The following RBFOX1 variants were observed in gnomAD, a reference collection of about 807,000 sequenced individuals.
RBFOX1 encodes RNA binding fox-1 homolog 1, also known as RNA binding protein fox-1 homolog 1.
In RBFOX1, 8 loss-of-function variants were observed where a neutral mutation model predicts 57.7. That is an observed-to-expected ratio of 0.14 (90% CI 0.08 to 0.25). The LOEUF is 0.25. Ranked by LOEUF, RBFOX1 falls within the 10% of genes least tolerant of loss-of-function variation. The probability of loss-of-function intolerance (pLI) is 1.00; values close to 1 mark genes in which losing one functional copy is unlikely to be tolerated. For synonymous variants in RBFOX1, 326 were observed against 222.4 expected, an observed-to-expected ratio of 1.47 and a Z score of -4.15; for missense variants, 611 against 548.5, an observed-to-expected ratio of 1.11 and a Z score of -1.14.
At chr16:6,594,566 G>C (rs1356092262) in intron 2 of RBFOX1, among the ~76,000 whole-genome samples, 2 of 152,084 alleles carry the variant, frequency 1.3e-5, no homozygotes, top group Non-Finnish European at 2.9e-5. Context: ...GGTTTTTAAT[G>C]TAAAAGCTCC....
At chr16:6,765,565 C>G (rs1222086612) in intron 3 of RBFOX1, among the ~76,000 whole-genome samples, 1 of 152,116 alleles carries the variant, frequency 6.6e-6, no homozygotes, top group South Asian at 2.1e-4. Context: ...TAAATGAGTA[C>G]AACCTCTATG....
chr16:6,230,440 A>T (rs1301260081), intron 1 of RBFOX1, among the ~76,000 whole-genome samples: 1 of 152,166 alleles, frequency 6.6e-6, no homozygotes, highest in Non-Finnish European at 1.5e-5. Context: ...CTCAGAATGG[A>T]AGGTCAGACC....
chr16:6,615,465 G>C (rs2098128678), intron 2 of RBFOX1, among the ~76,000 whole-genome samples: 1 of 151,994 alleles, frequency 6.6e-6, no homozygotes, highest in Admixed American at 6.6e-5. Context: ...AACTACTTGG[G>C]AGGCTGAGGC....
At chr16:7,254,477 T>C (rs996881172) in intron 4 of RBFOX1, among the ~76,000 whole-genome samples, 1 of 148,870 alleles carries the variant, frequency 6.7e-6, no homozygotes, top group Non-Finnish European at 1.5e-5. Context: ...CCAAATGTCA[T>C]GTTCCTGTCT....
chr16:6,767,948 AAGAAG>A (rs1182155918), intron 3 of RBFOX1, among the ~76,000 whole-genome samples: 27 of 48,774 alleles, frequency 5.5e-4, no homozygotes, highest in Admixed American at 3.1e-3. Context: ...TAATAATAAT[AAGAAG>A]AAGAAGAAGA....
Position 5,947,455 on chromosome 16 carries a change from A to C in RBFOX1, c.351+80120A>C, listed in dbSNP as rs72770939. 6.6e-6 allele frequency among the ~76,000 whole-genome samples: 1 copy of C among 152,102 alleles called. No individual in the cohort carries two copies. Among genetic ancestry groups the C allele is most frequent in the Non-Finnish European group, 1.5e-5 (1 of 68,014 alleles). On this transcript the variant is annotated intron_variant, in intron 4 of 19. Transcript: ENST00000641259. This position sits in a 1 kb window ranked among gnomAD's most constrained non-coding sequence, Gnocchi z 7.2. ...TGATCATGGCTCACTACAGCCTCGA[A>C]ATCTTGTGCTCAAGCCATTTTCCTG... is the stretch of plus-strand genomic sequence containing the variant.
chr16:6,051,915 T>G (rs937203627), intron 1 of RBFOX1, among the ~76,000 whole-genome samples: 1 of 152,088 alleles, frequency 6.6e-6, no homozygotes, highest in African/African-American at 2.4e-5. Flanking sequence ...CCTTTGATTT[T>G]TCTTTCCAGT....
intron 1 of RBFOX1, among the ~76,000 whole-genome samples, chr16:5,379,302 T>G (rs2066071267): frequency 6.6e-6 from 1 of 151,568 alleles, no homozygotes; most frequent in Admixed American, 6.5e-5. Flanking sequence ...TTTTATCGTT[T>G]TTTTTCTCAG....
intron 15 of RBFOX1, chr16:7,709,586 C>G (rs1169642335): frequency 2.0e-6 from 3 of 1,530,246 alleles, no homozygotes; most frequent in African/African-American, 2.7e-5. Flanking sequence ...CTGACTGCCT[C>G]TCCTCCCCTA....
At chr16:6,060,938 C>T (rs915741651) in intron 1 of RBFOX1, among the ~76,000 whole-genome samples, 1 of 152,220 alleles carries the variant, frequency 6.6e-6, no homozygotes, top group African/African-American at 2.4e-5. Flanking sequence ...CATGGACACA[C>T]GGGGCTGCCC....
At chr16:5,589,584 T>C (rs1335436978) in intron 2 of RBFOX1, among the ~76,000 whole-genome samples, 2 of 152,194 alleles carry the variant, frequency 1.3e-5, no homozygotes, top group Non-Finnish European at 2.9e-5. Context: ...CCTCACACTA[T>C]TCTACGTGTT....
intron 3 of RBFOX1, among the ~76,000 whole-genome samples, chr16:5,679,114 G>C (rs1050559600): frequency 3.9e-5 from 6 of 152,156 alleles, no homozygotes; most frequent in Non-Finnish European, 8.8e-5. Flanking sequence ...ATACATAGCT[G>C]TTCAGCTAAT....
chr16:7,410,830 CGT>C (rs56755477), intron 4 of RBFOX1, among the ~76,000 whole-genome samples: 10,042 of 150,146 alleles, frequency 0.067, 438 homozygotes, highest in East Asian at 0.22. Flanking sequence ...TGAGTTTTCA[CGT>C]GTGTGTGTGT....
At chr16:6,726,235 AC>A (rs1222411489) in intron 3 of RBFOX1, among the ~76,000 whole-genome samples, 1 of 151,976 alleles carries the variant, frequency 6.6e-6, no homozygotes, top group Non-Finnish European at 1.5e-5. Context: ...CCTACCCCCT[AC>A]CCCAGCAAGG....
intron 4 of RBFOX1, among the ~76,000 whole-genome samples, chr16:7,392,180 A>G (rs1393753587): frequency 2.0e-5 from 3 of 152,090 alleles, no homozygotes; most frequent in Admixed American, 6.5e-5. Flanking sequence ...CAAACATTGC[A>G]TTTTCATAAT....
chr16:7,362,605 G>C (rs1372588917), intron 4 of RBFOX1, among the ~76,000 whole-genome samples: 2 of 151,822 alleles, frequency 1.3e-5, no homozygotes, highest in Non-Finnish European at 2.9e-5. Flanking sequence ...ATGTTCTTGT[G>C]TATATGTTTT....
chr16:6,714,120 G>A (rs971918191), intron 3 of RBFOX1, among the ~76,000 whole-genome samples: 1 of 152,148 alleles, frequency 6.6e-6, no homozygotes, highest in Non-Finnish European at 1.5e-5. Flanking sequence ...ATGGTTTTAT[G>A]AATGGTAGTT....
rs189289617 is a variant in RBFOX1 at position 6,552,182 on chromosome 16, A to G, written c.-63-102421A>G. Among the ~76,000 whole-genome samples, 24 of 152,328 alleles carry G rather than the reference A, an allele frequency of 1.6e-4. No individual in the cohort carries two copies. In the East Asian group the frequency reaches 3.5e-3, roughly 22 times the overall value. On this transcript the variant is annotated intron_variant, in intron 2 of 15. Transcript: ENST00000550418. ...TTAAAAGTTGGAACACATCTAGTAA[A>G]TATACATACCTTTGAAAGTCCTCAT...
At chr16:7,113,156 G>T (rs1448890524) in intron 4 of RBFOX1, among the ~76,000 whole-genome samples, 1 of 152,102 alleles carries the variant, frequency 6.6e-6, no homozygotes, top group Non-Finnish European at 1.5e-5. Context: ...TTTTTAATTT[G>T]TCAACTAAAT....
Sources: allele counts gnomAD v4.1 joint callset (sites outside exome capture counted in the v4.1 genomes callset), GRCh38; gene constraint gnomAD v4.1.1; non-coding constraint Gnocchi (gnomAD v3.1); transcripts MANE v1.5; gene names NCBI Gene and HGNC (gene_info 2026-07-23, HGNC 2026-07-21).